Variants in ACAP2 observed in about 807,000 individuals in gnomAD.
The protein encoded by ACAP2 is arf-GAP with coiled-coil, ANK repeat and PH domain-containing protein 2.
In ACAP2, 39 loss-of-function variants were observed where a neutral mutation model predicts 115.8. The observed-to-expected ratio is 0.34, with a 90% CI of 0.26 to 0.44. The LOEUF (loss-of-function observed/expected upper bound fraction) is 0.44. Among genes scored for constraint, ACAP2 ranks in the 20% least tolerant of loss-of-function variants. ACAP2 has a pLI of 1.00. For missense variants in ACAP2, 662 were observed against 927.6 expected (o/e 0.71, Z 3.72); for synonymous variants, 289 against 315.8 (o/e 0.92, Z 0.90).
Position 195,359,588 on chromosome 3 carries a change from C to T in ACAP2, c.286-14271G>A, listed in dbSNP as rs1732213162. On this transcript the variant is annotated intron_variant, in intron 4 of 22. Coordinates refer to ENST00000326793, the MANE Select transcript of ACAP2 (RefSeq NM_012287.6). ...GTTCACGCCATTCTCCTGCCTCAGC[C>T]TCCCAAGTAGCTGGGACTACAGGCG... 2.0e-5 allele frequency among the ~76,000 whole-genome samples: 3 copies of T among 152,190 alleles called. No individual in the cohort carries two copies. The South Asian group carries it at 6.2e-4, about 31-fold the overall frequency.
At chr3:195,358,781 C>T (rs989743209) in intron 4 of ACAP2, among the ~76,000 whole-genome samples, 3 of 151,786 alleles carry the variant, frequency 2.0e-5, no homozygotes, top group African/African-American at 7.3e-5. Flanking sequence ...AAAGTTTATT[C>T]GAAAGGATAG....
At chr3:195,403,278 A>C (rs572901595) in intron 1 of ACAP2, among the ~76,000 whole-genome samples, 2 of 152,230 alleles carry the variant, frequency 1.3e-5, no homozygotes, top group Non-Finnish European at 2.9e-5. Flanking sequence ...AAGAAGTCAG[A>C]ATACTAATGG....
At chr3:195,347,827 G>A (rs1247094670) in intron 4 of ACAP2, among the ~76,000 whole-genome samples, 1 of 152,012 alleles carries the variant, frequency 6.6e-6, no homozygotes, top group Non-Finnish European at 1.5e-5. Context: ...GGGCAACATG[G>A]CAAGACCCAT....
intron 22 of ACAP2, among the ~76,000 whole-genome samples, chr3:195,284,237 C>T (rs987305124): frequency 3.8e-4 from 58 of 152,200 alleles, no homozygotes; most frequent in Admixed American, 2.0e-4. Context: ...GTTCACTCTT[C>T]TCTTACAAAT....
chr3:195,374,123 G>T (rs1733355667), intron 4 of ACAP2, among the ~76,000 whole-genome samples: 1 of 151,678 alleles, frequency 6.6e-6, no homozygotes, highest in African/African-American at 2.4e-5. Flanking sequence ...TCCAGGTCAG[G>T]CACTGTCATC....
rs540635706 is a variant in ACAP2 at position 195,314,288 on chromosome 3, C to T, written c.858-5451G>A. Among the ~76,000 whole-genome samples the T allele has an allele frequency of 7.2e-4, 106 of 147,534 alleles. No individual in the cohort carries two copies. In the Middle Eastern group the frequency reaches 0.017, roughly 24 times the overall value. On this transcript the variant is annotated intron_variant, in intron 10 of 22. Coordinates refer to ENST00000326793, the MANE Select transcript of ACAP2 (RefSeq NM_012287.6). Reference sequence around the variant, plus strand: ...ATTTTTTTTTTTTCTTTTTTTGAGACGAAGTCTCACTCTGGTTGTCCAGGC... The same window carrying T: ...ATTTTTTTTTTTTCTTTTTTTGAGATGAAGTCTCACTCTGGTTGTCCAGGC...
At chr3:195,344,746 T>C (rs1399869304) in intron 5 of ACAP2, among the ~76,000 whole-genome samples, 1 of 152,112 alleles carries the variant, frequency 6.6e-6, no homozygotes, top group African/African-American at 2.4e-5. Context: ...TCTCGCCGCC[T>C]GACCTCAGGT....
intron 1 of ACAP2, among the ~76,000 whole-genome samples, chr3:195,409,831 G>A (rs1364935858): frequency 8.5e-6 from 1 of 117,736 alleles, no homozygotes; most frequent in Non-Finnish European, 1.6e-5. Flanking sequence ...AACCAAGATT[G>A]CGCCACTGCA....
intron 8 of ACAP2, 148 bp from the exon 9 acceptor site, chr3:195,327,107 G>C: frequency 1.3e-6 from 1 of 744,086 alleles, no homozygotes; most frequent in Non-Finnish European, 2.1e-6. Flanking sequence ...TGAAGTAGAA[G>C]TTCATATTTT....
chr3:195,280,947 ATGT>A (rs1261949934), intron 22 of ACAP2: 5 of 152,192 alleles, frequency 3.3e-5, no homozygotes, highest in South Asian at 2.1e-4. Context: ...ATTGCTACAG[ATGT>A]TGTTAATAGT....
chr3:195,305,849 TTGATCTA>T (rs145246223), intron 13 of ACAP2, among the ~76,000 whole-genome samples: 3,262 of 152,058 alleles, frequency 0.021, 115 homozygotes, highest in East Asian at 0.1. Flanking sequence ...AGGTTCTGCT[TTGATCTA>T]TGATCTATAT....
chr3:195,422,688 G>T (rs1174471863), intron 1 of ACAP2, among the ~76,000 whole-genome samples: 3 of 151,942 alleles, frequency 2.0e-5, no homozygotes, highest in Non-Finnish European at 4.4e-5. Flanking sequence ...ATGTTGCCCA[G>T]GTTAAAAGTC....
At chr3:195,438,087 G>A (rs563225373) in intron 1 of ACAP2, among the ~76,000 whole-genome samples, 17 of 147,454 alleles carry the variant, frequency 1.2e-4, no homozygotes, top group Non-Finnish European at 2.4e-4. Context: ...GTGCAGTGGC[G>A]CAATCTCAGC....
At chr3:195,368,045 A>C (rs993142968) in intron 4 of ACAP2, among the ~76,000 whole-genome samples, 5 of 152,240 alleles carry the variant, frequency 3.3e-5, no homozygotes, top group Non-Finnish European at 7.3e-5. Flanking sequence ...AAGTTTTTAT[A>C]GTGATTTTTA....
chr3:195,376,374 C>A (rs1345080879), intron 4 of ACAP2, among the ~76,000 whole-genome samples: 2 of 151,936 alleles, frequency 1.3e-5, no homozygotes, highest in Non-Finnish European at 2.9e-5. Context: ...GGCAACAGAG[C>A]AAGACTCCAT....
chr3:195,284,441 T>C (rs917755457), intron 22 of ACAP2, among the ~76,000 whole-genome samples: 17 of 152,210 alleles, frequency 1.1e-4, no homozygotes, highest in African/African-American at 4.1e-4. Flanking sequence ...ATCAGCACTC[T>C]TCCATCTCGG....
chr3:195,334,846 T>C (rs754107278), intron 7 of ACAP2, among the ~76,000 whole-genome samples: 1 of 152,144 alleles, frequency 6.6e-6, no homozygotes, highest in Non-Finnish European at 1.5e-5. Context: ...AATAAATCTA[T>C]CCTAAGAAAA....
chr3:195,378,347 C>G (rs1035471715), intron 4 of ACAP2, among the ~76,000 whole-genome samples: 4 of 152,028 alleles, frequency 2.6e-5, no homozygotes, highest in African/African-American at 9.7e-5. Context: ...AAAAAATTAG[C>G]TGGGCGTGGT....
chr3:195,293,952 T>C (rs1237854952), intron 18 of ACAP2, among the ~76,000 whole-genome samples: 1 of 149,952 alleles, frequency 6.7e-6, no homozygotes, highest in Non-Finnish European at 1.5e-5. Flanking sequence ...GCTAACATGG[T>C]GAAACCCCAC....
Sources: gnomAD v4.1 joint callset for allele counts (sites outside exome capture counted in the v4.1 genomes callset) on GRCh38, gnomAD v4.1.1 for gene constraint, MANE v1.5 for transcripts, NCBI Gene and HGNC (gene_info 2026-07-23, HGNC 2026-07-21) for gene names.